The following OSTM1 variants were observed in gnomAD, a reference collection of about 807,000 sequenced individuals.
OSTM1 encodes osteopetrosis-associated transmembrane protein 1.
In OSTM1, 26 loss-of-function variants were observed where a neutral mutation model predicts 35.4. That is an observed-to-expected ratio of 0.73 (90% CI 0.54 to 1.02). OSTM1 has a LOEUF of 1.02. Ranked by LOEUF, OSTM1 falls within the 50% of genes least tolerant of loss-of-function variation. The pLI, the probability that OSTM1 is intolerant of heterozygous loss-of-function variation, is 0.00. For synonymous variants in OSTM1, 181 were observed against 165.0 expected (o/e 1.10, Z -0.75); for missense variants, 366 against 409.6 (o/e 0.89, Z 0.92).
intron 1 of OSTM1, among the ~76,000 whole-genome samples, chr6:108,071,460 A>ATTTTTTTTTTTTTTTTT (rs545759140): frequency 3.9e-5 from 4 of 103,420 alleles, no homozygotes; most frequent in African/African-American, 4.1e-5. Flanking sequence ...CACCCGGCTA[A>ATTTTTTTTTTTTTTTTT]TTTTTTTTTT....
chr6:108,042,955 C>T lies in OSTM1; in HGVS notation c.*1830G>A, dbSNP rs886453188. Reference sequence around the variant, plus strand: ...AATATGACAAAATGAAAAACTTACACACTTTAGGGTAGCGCTTAATACTTA... The same window carrying T: ...AATATGACAAAATGAAAAACTTACATACTTTAGGGTAGCGCTTAATACTTA... On this transcript the variant is annotated 3_prime_UTR_variant, in exon 6 of 6. Coordinates refer to ENST00000193322, the MANE Select transcript of OSTM1 (RefSeq NM_014028.4). The T allele has an allele frequency of 2.0e-5, 3 of 152,144 alleles. No homozygotes were observed. The highest frequency in any genetic ancestry group is 7.2e-5 in the African/African-American group (3 of 41,436). The allele number at this position is 152,144 out of a possible 1,614,324, so 9.4% of individuals were successfully genotyped here. A position where few individuals can be genotyped will look rare whatever the true frequency, so the allele number is the denominator to read the frequency against.
At chr6:108,073,461 C>A (rs908814748) in intron 1 of OSTM1, among the ~76,000 whole-genome samples, 2 of 152,190 alleles carry the variant, frequency 1.3e-5, no homozygotes, top group African/African-American at 4.8e-5. Context: ...CAGCAGCTAC[C>A]ACACACCTAG....
At chr6:108,069,280 T>C (rs1389628820) in intron 1 of OSTM1, among the ~76,000 whole-genome samples, 1 of 152,230 alleles carries the variant, frequency 6.6e-6, no homozygotes, top group Non-Finnish European at 1.5e-5. Context: ...AGGTACTCAA[T>C]AATTTTTTTG....
intron 5 of OSTM1, among the ~76,000 whole-genome samples, chr6:108,046,322 C>A (rs970369682): frequency 1.1e-4 from 14 of 129,194 alleles, no homozygotes; most frequent in Admixed American, 6.2e-4. Flanking sequence ...GCCTGGCCTA[C>A]CAATGTCTCT....
chr6:108,060,750 G>A (rs908492282), intron 2 of OSTM1: 2 of 151,670 alleles, frequency 1.3e-5, no homozygotes, highest in African/African-American at 4.8e-5. Flanking sequence ...ACTTTTTAAA[G>A]AAAAAAAATG....
intron 1 of OSTM1, among the ~76,000 whole-genome samples, chr6:108,067,617 G>A (rs1772401784): frequency 6.6e-6 from 1 of 151,944 alleles, no homozygotes; most frequent in Admixed American, 6.6e-5. Flanking sequence ...GATCACCTAA[G>A]GTCAGGAGTT....
At position 108,071,533 on chromosome 6, in the gene OSTM1, G is replaced by C. The variant is rs550045496; in HGVS notation, c.402+2717C>G. On this transcript the variant is annotated intron_variant, in intron 1 of 5. Coordinates refer to ENST00000193322, the MANE Select transcript of OSTM1 (RefSeq NM_014028.4). ...TCACCATGTTGGCCAGGCTGGTCTC[G>C]AACTCCTGGCCTCAGGTGATCTGCC... is the stretch of plus-strand genomic sequence containing the variant. 4.1e-3 allele frequency among the ~76,000 whole-genome samples: 574 copies of C among 140,912 alleles called. 6 individuals are homozygous for C. Among genetic ancestry groups the C allele is most frequent in the African/African-American group, 0.015 (547 of 36,960 alleles). 92.4% of individuals were successfully genotyped at this position (140,912 alleles called of 152,430 possible). A position where few individuals can be genotyped will look rare whatever the true frequency, so the allele number is the denominator to read the frequency against.
chr6:108,052,739 A>T (rs1290635546), intron 3 of OSTM1, among the ~76,000 whole-genome samples: 1 of 152,180 alleles, frequency 6.6e-6, no homozygotes, highest in Non-Finnish European at 1.5e-5. Flanking sequence ...ACAGACCAAG[A>T]CAAAATAGAG....
intron 4 of OSTM1, chr6:108,049,628 A>C (rs1772042224): frequency 8.2e-7 from 1 of 1,217,474 alleles, no homozygotes; most frequent in East Asian, 2.9e-5. Flanking sequence ...TCCATACAGA[A>C]ATTTCATATT....
At chr6:108,046,088 G>A (rs1024608539) in intron 5 of OSTM1, among the ~76,000 whole-genome samples, 2 of 150,862 alleles carry the variant, frequency 1.3e-5, no homozygotes, top group Non-Finnish European at 2.9e-5. Flanking sequence ...TGCAAGCTCC[G>A]CCTCCTGGGT....
At chr6:108,057,314 A>G (rs1772186010) in intron 2 of OSTM1, among the ~76,000 whole-genome samples, 1 of 152,326 alleles carries the variant, frequency 6.6e-6, no homozygotes, top group African/African-American at 2.4e-5. Flanking sequence ...ATAAATAAAA[A>G]CAAACAATTA....
chr6:108,067,764 G>T lies in OSTM1; in HGVS notation c.403-3465C>A, dbSNP rs929096887. ...AGAATCGCTTGAACCTGGGATGGTG[G>T]AGGTTGCAGTGAGCCGAGATTGTGC... On this transcript the variant is annotated intron_variant, in intron 1 of 5. Coordinates refer to ENST00000193322, the MANE Select transcript of OSTM1 (RefSeq NM_014028.4). Among the ~76,000 whole-genome samples the T allele has an allele frequency of 6.8e-5, 10 of 146,440 alleles. No homozygotes were observed. The East Asian group carries it at 1.9e-3, about 27-fold the overall frequency.
In OSTM1 at chr6:108,042,007, G is replaced by C. The variant is rs894273971; in HGVS notation, c.*2778C>G. 17 of 152,208 alleles carry C rather than the reference G, an allele frequency of 1.1e-4. No homozygotes were observed. The highest frequency in any genetic ancestry group is 2.6e-4 in the African/African-American group (11 of 41,536). The allele number at this position is 152,208 out of a possible 1,614,324, so 9.4% of individuals were successfully genotyped here. ...TATTTGATGTCATGTCTTTGGCCAGGAATGCAATCCTAATTAGCATTGTTC... is the reference window on the plus strand; with the variant it reads ...TATTTGATGTCATGTCTTTGGCCAGCAATGCAATCCTAATTAGCATTGTTC... On this transcript the variant is annotated 3_prime_UTR_variant, in exon 6 of 6. Transcript: ENST00000193322.
intron 2 of OSTM1, among the ~76,000 whole-genome samples, chr6:108,062,254 C>T (rs1018127366): frequency 6.6e-6 from 1 of 152,160 alleles, no homozygotes; most frequent in Non-Finnish European, 1.5e-5. Context: ...AACCAAGATG[C>T]TCCTGAGTGC....
At chr6:108,063,577 G>A (rs960022017) in intron 2 of OSTM1, among the ~76,000 whole-genome samples, 4 of 152,144 alleles carry the variant, frequency 2.6e-5, no homozygotes, top group Non-Finnish European at 5.9e-5. Context: ...TGAATTGGAA[G>A]TGATTTTAAT....
chr6:108,057,633 C>T (rs1198441430), intron 2 of OSTM1, among the ~76,000 whole-genome samples: 2 of 152,136 alleles, frequency 1.3e-5, no homozygotes, highest in African/African-American at 4.8e-5. Context: ...AACAAAAGAA[C>T]TTAATTTCTT....
chr6:108,047,596 G>A (rs948469425), intron 5 of OSTM1, among the ~76,000 whole-genome samples: 1 of 152,218 alleles, frequency 6.6e-6, no homozygotes, highest in Non-Finnish European at 1.5e-5. Context: ...ACCAGTTAAG[G>A]GGCTCTTGCG....
chr6:108,059,253 C>A (rs1006715809), intron 2 of OSTM1, among the ~76,000 whole-genome samples: 4 of 152,176 alleles, frequency 2.6e-5, no homozygotes, highest in Admixed American at 6.5e-5. Flanking sequence ...TCTGAGAAAC[C>A]TTTAATATAC....
intron 3 of OSTM1, among the ~76,000 whole-genome samples, chr6:108,053,456 T>C (rs888635278): frequency 3.9e-5 from 6 of 152,372 alleles, no homozygotes; most frequent in Middle Eastern, 3.4e-3. Flanking sequence ...CCCTTTCTGA[T>C]AGGACATCTA....
Sources: allele counts gnomAD v4.1 joint callset (sites outside exome capture counted in the v4.1 genomes callset), GRCh38; gene constraint gnomAD v4.1.1; transcripts MANE v1.5; gene names NCBI Gene and HGNC (gene_info 2026-07-23, HGNC 2026-07-21).